The following OCRL variants were observed in gnomAD, a reference collection of about 807,000 sequenced individuals.
The protein encoded by OCRL is OCRL inositol polyphosphate-5-phosphatase.
OCRL carries 8 observed loss-of-function variants against 78.9 expected under a neutral mutation model. The ratio of observed to expected loss-of-function variants is 0.10; its 90% CI spans 0.06 to 0.18. The LOEUF (loss-of-function observed/expected upper bound fraction) is 0.18, where lower values mean the gene tolerates loss of function less well. OCRL is among the 10% of genes least tolerant of loss of function. The pLI is 1.00. For missense variants in OCRL, 454 were observed against 696.7 expected, an observed-to-expected ratio of 0.65 and a Z score of 3.92; for synonymous variants, 240 against 235.4, an observed-to-expected ratio of 1.02 and a Z score of -0.18.
chrX:129,564,249 A>G (rs1229316068), intron 12 of OCRL, among the ~76,000 whole-genome samples: 1 of 110,096 alleles, frequency 9.1e-6, no homozygotes, highest in East Asian at 2.9e-4. Flanking sequence ...GTGGAGAAAT[A>G]GGAACACTTT....
At chrX:129,577,793 A>G (rs1172795225) in intron 18 of OCRL, among the ~76,000 whole-genome samples, 1 of 112,218 alleles carries the variant, frequency 8.9e-6, no homozygotes, top group Non-Finnish European at 1.9e-5. Context: ...TCAGAAATTC[A>G]TATCCTACCG....
chrX:129,563,078 G>T (rs1036996952), intron 12 of OCRL, among the ~76,000 whole-genome samples: 1 of 111,836 alleles, frequency 8.9e-6, no homozygotes, highest in African/African-American at 3.2e-5. Flanking sequence ...AATATTCATT[G>T]CAAATGTAAT....
At chrX:129,583,053 T>C (rs1188411359) in intron 18 of OCRL, among the ~76,000 whole-genome samples, 1 of 111,977 alleles carries the variant, frequency 8.9e-6, no homozygotes, top group Admixed American at 9.5e-5. Context: ...AACCCAGACC[T>C]TCTGCTGGCA....
At chrX:129,545,578 C>T (rs1359036300) in intron 3 of OCRL, among the ~76,000 whole-genome samples, 3 of 111,767 alleles carry the variant, frequency 2.7e-5, no homozygotes, top group South Asian at 7.6e-4. Context: ...AATTTGGGGA[C>T]GGAGCATAGA....
intron 6 of OCRL, among the ~76,000 whole-genome samples, 180 bp downstream of exon 6, chrX:129,558,130 A>G (rs1936088187): frequency 8.9e-6 from 1 of 111,793 alleles, no homozygotes; most frequent in Admixed American, 9.5e-5. Context: ...GTAGCATGGT[A>G]GCTGTTCAGG....
intron 15 of OCRL, among the ~76,000 whole-genome samples, chrX:129,573,396 G>A (rs933730704): frequency 7.2e-5 from 8 of 110,650 alleles, no homozygotes; most frequent in African/African-American, 1.3e-4. Flanking sequence ...CCACTACCCC[G>A]AGTGGCCTGG....
intron 18 of OCRL, among the ~76,000 whole-genome samples, chrX:129,583,204 G>C (rs73633908): frequency 0.012 from 1,308 of 111,941 alleles, 23 homozygotes; most frequent in African/African-American, 0.041. Flanking sequence ...GTGGAACGAA[G>C]ATTTGTACCC....
chrX:129,552,116 G>A (rs912174478), intron 4 of OCRL, among the ~76,000 whole-genome samples: 20 of 112,031 alleles, frequency 1.8e-4, no homozygotes, highest in African/African-American at 6.5e-4. Flanking sequence ...ATTTTATGCT[G>A]GGGTGTCATC....
intron 19 of OCRL, chrX:129,586,785 C>A (rs750615348): frequency 5.7e-6 from 3 of 526,761 alleles, no homozygotes; most frequent in Non-Finnish European, 6.9e-6. Context: ...AAATGCAGAA[C>A]AATTAAGTGA....
At chrX:129,579,454 A>G (rs995712204) in intron 18 of OCRL, among the ~76,000 whole-genome samples, 2 of 111,830 alleles carry the variant, frequency 1.8e-5, no homozygotes, top group African/African-American at 6.5e-5. Context: ...AACGAGTTCA[A>G]TGTATGTGTT....
intron 14 of OCRL, among the ~76,000 whole-genome samples, chrX:129,568,930 A>G (rs1936258575): frequency 8.9e-6 from 1 of 112,855 alleles, no homozygotes. Flanking sequence ...AGGATATTTT[A>G]AGAACGTGCT....
At chrX:129,565,112 T>C (rs1332663308) in intron 12 of OCRL, among the ~76,000 whole-genome samples, 1 of 112,088 alleles carries the variant, frequency 8.9e-6, no homozygotes, top group African/African-American at 3.2e-5. Context: ...GAATGACCCA[T>C]TGGGAACTTG....
At position 129,548,684 on chromosome X, in the gene OCRL, G is replaced by A. The variant is rs1935922259; in HGVS notation, c.238+83G>A. 13 of 838,501 alleles carry A rather than the reference G, an allele frequency of 1.6e-5. No individual in the cohort carries two copies. The South Asian group carries it at 2.7e-4, about 18-fold the overall frequency. 69.1% of individuals were successfully genotyped at this position (838,501 alleles called of 1,213,427 possible). On this transcript the variant is annotated intron_variant, in intron 4 of 23. Coordinates refer to ENST00000371113, the MANE Select transcript of OCRL (RefSeq NM_000276.4). ...CACTACATTTAAGACACCTTTTGGGGCACATTTTTTATTTTACCATCTTTT... is the reference window on the plus strand; with the variant it reads ...CACTACATTTAAGACACCTTTTGGGACACATTTTTTATTTTACCATCTTTT...
intron 18 of OCRL, among the ~76,000 whole-genome samples, chrX:129,582,657 C>T (rs112608636): frequency 0.026 from 2,866 of 111,781 alleles, 39 homozygotes; most frequent in East Asian, 0.068. Context: ...TAAAAGGTAT[C>T]GTAATTATAG....
At chrX:129,556,317 C>T (rs911840782) in intron 4 of OCRL, among the ~76,000 whole-genome samples, 3 of 111,361 alleles carry the variant, frequency 2.7e-5, no homozygotes, top group Non-Finnish European at 5.7e-5. Context: ...CCTTATTTGC[C>T]TGGGACTTTC....
At chrX:129,573,613 G>A (rs1001597617) in intron 15 of OCRL, among the ~76,000 whole-genome samples, 20 of 111,656 alleles carry the variant, frequency 1.8e-4, no homozygotes, top group African/African-American at 6.5e-4. Context: ...GGAGTGCAGT[G>A]GTGCAATCTT....
At chrX:129,578,030 A>C (rs1936394639) in intron 18 of OCRL, among the ~76,000 whole-genome samples, 1 of 110,580 alleles carries the variant, frequency 9.0e-6, no homozygotes, top group Non-Finnish European at 1.9e-5. Flanking sequence ...AGTACAACAC[A>C]CCCCCACATG....
At chrX:129,581,114 C>T (rs1049083728) in intron 18 of OCRL, among the ~76,000 whole-genome samples, 2 of 112,835 alleles carry the variant, frequency 1.8e-5, no homozygotes, top group Non-Finnish European at 3.7e-5. Flanking sequence ...ATCCACCCGC[C>T]TCAGCTTCCC....
chrX:129,584,504 C>A, intron 19 of OCRL, 137 bp downstream of exon 19: 1 of 574,828 alleles, frequency 1.7e-6, no homozygotes, highest in Non-Finnish European at 3.0e-6. Context: ...GTCCTGCCGG[C>A]TGTCCTTAAG....
Sources: gnomAD v4.1 joint callset for allele counts (sites outside exome capture counted in the v4.1 genomes callset) on GRCh38, gnomAD v4.1.1 for gene constraint, MANE v1.5 for transcripts, NCBI Gene and HGNC (gene_info 2026-07-23, HGNC 2026-07-21) for gene names.